Variants in MAGI2 observed in about 807,000 individuals in gnomAD.
The protein encoded by MAGI2 is membrane-associated guanylate kinase, WW and PDZ domain-containing protein 2.
Under a neutral mutation model 133.3 loss-of-function variants are expected in MAGI2, and 35 were observed. The ratio of observed to expected loss-of-function variants is 0.26; its 90% CI spans 0.20 to 0.35. The LOEUF (loss-of-function observed/expected upper bound fraction) is 0.35. Ranked by LOEUF, MAGI2 falls within the 10% of genes least tolerant of loss-of-function variation. The pLI is 1.00. For missense variants in MAGI2, 1,636 were observed against 1,863.4 expected (o/e 0.88, Z 2.25); for synonymous variants, 729 against 710.6 (o/e 1.03, Z -0.41).
chr7:78,893,622 T>C (rs2151576069), intron 2 of MAGI2, among the ~76,000 whole-genome samples: 1 of 150,986 alleles, frequency 6.6e-6, no homozygotes, highest in Admixed American at 6.6e-5. Flanking sequence ...CAGCAAACTA[T>C]CACAAGGACA....
chr7:78,462,985 A>G (rs1292240553), intron 6 of MAGI2, among the ~76,000 whole-genome samples: 1 of 152,246 alleles, frequency 6.6e-6, no homozygotes, highest in African/African-American at 2.4e-5. Context: ...GGTGGATTTA[A>G]AACCAGAGAT....
At chr7:78,853,441 T>G (rs947279741) in intron 2 of MAGI2, among the ~76,000 whole-genome samples, 36 of 138,066 alleles carry the variant, frequency 2.6e-4, no homozygotes, top group African/African-American at 8.5e-4. Flanking sequence ...CTGCAGCCTC[T>G]ATCTCCTGGG....
intron 1 of MAGI2, among the ~76,000 whole-genome samples, chr7:79,258,261 T>C (rs1006866097): frequency 1.3e-5 from 2 of 152,236 alleles, no homozygotes; most frequent in African/African-American, 2.4e-5. Context: ...TGCAAAGTAT[T>C]ATAAAATCTC....
chr7:78,813,815 A>G (rs1379579187), intron 2 of MAGI2, among the ~76,000 whole-genome samples: 1 of 151,128 alleles, frequency 6.6e-6, no homozygotes, highest in Admixed American at 6.6e-5. Flanking sequence ...CACAAAAAGC[A>G]ACAAAAAACT....
At chr7:78,054,657 AT>A (rs11300162) in intron 21 of MAGI2, among the ~76,000 whole-genome samples, 25,923 of 143,796 alleles carry the variant, frequency 0.18, 3,226 homozygotes, top group African/African-American at 0.36. Context: ...ATTTCACTTA[AT>A]TTTTTTTTTT....
At chr7:78,087,809 T>C (rs1816792530) in intron 20 of MAGI2, among the ~76,000 whole-genome samples, 1 of 152,186 alleles carries the variant, frequency 6.6e-6, no homozygotes, top group African/African-American at 2.4e-5. Context: ...TAACTGCAAG[T>C]GTGGCAACAG....
intron 6 of MAGI2, among the ~76,000 whole-genome samples, chr7:78,451,894 T>C (rs1202788005): frequency 6.6e-6 from 1 of 152,120 alleles, no homozygotes; most frequent in East Asian, 1.9e-4. Flanking sequence ...GATATCATTA[T>C]AGGACTAGTA....
intron 21 of MAGI2, among the ~76,000 whole-genome samples, chr7:78,024,628 C>G (rs370960032): frequency 1.1e-3 from 162 of 152,322 alleles, no homozygotes; most frequent in African/African-American, 3.7e-3. Context: ...TTTCACCGCC[C>G]TAATTCAAAA....
intron 2 of MAGI2, among the ~76,000 whole-genome samples, chr7:78,872,477 A>C (rs886460489): frequency 1.3e-5 from 2 of 152,150 alleles, no homozygotes; most frequent in African/African-American, 4.8e-5. Context: ...TTTGAATCTT[A>C]AGTTAGTAAT....
chr7:78,130,440 T>G (rs933976839), intron 18 of MAGI2, among the ~76,000 whole-genome samples: 1 of 152,152 alleles, frequency 6.6e-6, no homozygotes, highest in African/African-American at 2.4e-5. Context: ...AATAGGAAAT[T>G]CATACCGTGC....
At chr7:78,853,375 A>T (rs2151484473) in intron 2 of MAGI2, among the ~76,000 whole-genome samples, 3 of 21,812 alleles carry the variant, frequency 1.4e-4, no homozygotes, top group African/African-American at 2.0e-4. Context: ...TTTTTTTTTG[A>T]GACAGAGTCT....
intron 1 of MAGI2, among the ~76,000 whole-genome samples, chr7:79,292,296 A>G (rs1836549036): frequency 6.6e-6 from 1 of 152,022 alleles, no homozygotes; most frequent in African/African-American, 2.4e-5. Flanking sequence ...TGCCAGTACA[A>G]CATTGTTTTG....
chr7:78,813,994 T>G (rs1344038261), intron 2 of MAGI2, among the ~76,000 whole-genome samples: 4 of 152,106 alleles, frequency 2.6e-5, no homozygotes, highest in African/African-American at 9.7e-5. Context: ...TATTCCACAT[T>G]ACACCAGAAG....
chr7:78,164,408 T>C (rs1014590183), intron 15 of MAGI2, among the ~76,000 whole-genome samples: 10 of 152,202 alleles, frequency 6.6e-5, no homozygotes, highest in African/African-American at 2.4e-4. Flanking sequence ...TCCCTCATGG[T>C]CCTTATGGGG....
intron 1 of MAGI2, among the ~76,000 whole-genome samples, chr7:79,051,384 G>A (rs1299028520): frequency 6.6e-6 from 1 of 152,090 alleles, no homozygotes; most frequent in Non-Finnish European, 1.5e-5. Context: ...GCTCCTGGTG[G>A]CCTTTGGCTA....
At chr7:79,240,522 A>G (rs1474466498) in intron 1 of MAGI2, among the ~76,000 whole-genome samples, 2 of 152,130 alleles carry the variant, frequency 1.3e-5, no homozygotes, top group Non-Finnish European at 1.5e-5. Flanking sequence ...CCAGCAAAAA[A>G]TGTGCAATTT....
intron 3 of MAGI2, among the ~76,000 whole-genome samples, chr7:78,527,029 A>G (rs113599769): frequency 9.1e-4 from 114 of 124,920 alleles, no homozygotes; most frequent in Middle Eastern, 4.6e-3. Context: ...AAAAAAAAAA[A>G]AAAAAGAAAA....
At chr7:79,189,198 A>G (rs1414580900) in intron 1 of MAGI2, among the ~76,000 whole-genome samples, 2 of 151,392 alleles carry the variant, frequency 1.3e-5, no homozygotes, top group African/African-American at 4.9e-5. Context: ...ATTACCACAC[A>G]GAAGCCCTGT....
At chr7:78,851,524 A>G (rs1793138672) in intron 2 of MAGI2, among the ~76,000 whole-genome samples, 1 of 152,144 alleles carries the variant, frequency 6.6e-6, no homozygotes. Flanking sequence ...AACTCCCTGT[A>G]TATTCCTCCC....
Sources: gnomAD v4.1 joint callset for allele counts (sites outside exome capture counted in the v4.1 genomes callset) on GRCh38, gnomAD v4.1.1 for gene constraint, MANE v1.5 for transcripts, NCBI Gene and HGNC (gene_info 2026-07-23, HGNC 2026-07-21) for gene names.